The following USP37 variants were observed in gnomAD, a reference collection of about 807,000 sequenced individuals.
The protein encoded by USP37 is ubiquitin specific peptidase 37, also known as ubiquitin carboxyl-terminal hydrolase 37.
In USP37, 27 loss-of-function variants were observed where a neutral mutation model predicts 124.0. The ratio of observed to expected loss-of-function variants is 0.22; its 90% CI spans 0.16 to 0.30. USP37 has a LOEUF of 0.30. Among genes scored for constraint, USP37 ranks in the 10% least tolerant of loss-of-function variants. USP37 has a pLI of 1.00. For synonymous variants in USP37, 365 were observed against 388.0 expected (o/e 0.94, Z 0.70); for missense variants, 889 against 1,140.4 (o/e 0.78, Z 3.17).
chr2:218,492,361 G>C (rs1185132712), intron 14 of USP37, among the ~76,000 whole-genome samples: 1 of 152,182 alleles, frequency 6.6e-6, no homozygotes, highest in Non-Finnish European at 1.5e-5. Flanking sequence ...GAATGAGCAA[G>C]GGAAAAGTGT....
intron 10 of USP37, among the ~76,000 whole-genome samples, chr2:218,515,970 A>T (rs1471231041): frequency 1.3e-5 from 2 of 152,338 alleles, no homozygotes; most frequent in East Asian, 3.9e-4. Context: ...GAGAATGCAA[A>T]TCAAAACCAC....
intron 10 of USP37, among the ~76,000 whole-genome samples, chr2:218,525,593 G>C (rs1421319223): frequency 6.6e-6 from 1 of 152,172 alleles, no homozygotes. Flanking sequence ...CTAACTATCT[G>C]CTTCCTATTC....
chr2:218,524,272 C>A (rs915493053), intron 10 of USP37, among the ~76,000 whole-genome samples: 2 of 152,052 alleles, frequency 1.3e-5, no homozygotes, highest in African/African-American at 4.8e-5. Flanking sequence ...TGTAGCCTTT[C>A]CTGTTTTGTA....
intron 8 of USP37, among the ~76,000 whole-genome samples, chr2:218,544,430 T>TAGAGAGAGAGAGAGAGAG (rs56690495): frequency 3.9e-4 from 20 of 50,794 alleles, no homozygotes; most frequent in East Asian, 3.4e-3. Flanking sequence ...TATATATATA[T>TAGAGAGAGAGAGAGAGAG]AGAGAGAGAG....
In USP37 at chr2:218,455,678, C is replaced by T. The variant is rs368343872; in HGVS notation, c.2754G>A (p.Ala918=). Residue 918 remains alanine (A), a synonymous_variant, in exon 25 of 26, where the codon GCG becomes GCA. Coordinates refer to ENST00000258399, the MANE Select transcript of USP37 (RefSeq NM_020935.3). ...CCTCCAGGTCATTGTAAGTAAACCA[C>T]GCTTGCTTCTTAATGTCATATACAT... ...ISDVYDIKKQ[A]WFTYNDLEVS... 3.0e-5 allele frequency: 49 copies of T among 1,614,066 alleles called. No homozygotes were observed. Among genetic ancestry groups the T allele is most frequent in the African/African-American group, 1.3e-4 (10 of 74,938 alleles).
At chr2:218,521,691 A>T (rs1226787976) in intron 10 of USP37, among the ~76,000 whole-genome samples, 1 of 152,040 alleles carries the variant, frequency 6.6e-6, no homozygotes, top group Non-Finnish European at 1.5e-5. Flanking sequence ...TATGCCTGCA[A>T]TATTTGTTCA....
chr2:218,561,143 A>T (rs1044408625), intron 2 of USP37, among the ~76,000 whole-genome samples: 1 of 152,222 alleles, frequency 6.6e-6, no homozygotes, highest in African/African-American at 2.4e-5. Context: ...TTGAGCCAGC[A>T]ATGTATATCT....
intron 14 of USP37, among the ~76,000 whole-genome samples, 193 bp from the exon 15 acceptor site, chr2:218,488,614 T>C (rs776284464): frequency 2.6e-5 from 4 of 152,178 alleles, no homozygotes; most frequent in Non-Finnish European, 5.9e-5. Flanking sequence ...AAACCTCAAT[T>C]GCAAGTATTT....
chr2:218,530,346 T>C (rs1691255083), intron 9 of USP37, among the ~76,000 whole-genome samples: 1 of 152,206 alleles, frequency 6.6e-6, no homozygotes, highest in Non-Finnish European at 1.5e-5. Flanking sequence ...TTGGTAATTC[T>C]TGCAATGTTT....
At position 218,558,487 on chromosome 2, in the gene USP37, T is replaced by C. The variant is rs770441044; in HGVS notation, c.156+11A>G. The stretch of plus-strand genomic sequence containing the variant: ...CTTCAAGAGCTATTCCAAATCAATA[T>C]TTGGTATTACCTGAAATATCCTTGG... On this transcript the variant is annotated intron_variant, in intron 4 of 25. Transcript: ENST00000258399. The C allele has an allele frequency of 1.6e-5, 26 of 1,606,516 alleles. No individual in the cohort carries two copies. The highest frequency in any genetic ancestry group is 2.2e-5 in the Non-Finnish European group (26 of 1,176,094).
intron 22 of USP37, among the ~76,000 whole-genome samples, chr2:218,460,820 A>G (rs1689979200): frequency 6.6e-6 from 1 of 152,096 alleles, no homozygotes; most frequent in Admixed American, 6.6e-5. Context: ...GCACACCAGT[A>G]GTCCCAGCTA....
chr2:218,510,269 G>T, intron 10 of USP37, 129 bp from the exon 11 acceptor site: 1 of 965,016 alleles, frequency 1.0e-6, no homozygotes, highest in Non-Finnish European at 1.5e-6. Flanking sequence ...CAGTAATAAT[G>T]ATCACTTAAG....
chr2:218,567,369 C>CT (rs1177120427), intron 1 of USP37, among the ~76,000 whole-genome samples: 63 of 152,302 alleles, frequency 4.1e-4, no homozygotes, highest in African/African-American at 1.5e-3. Flanking sequence ...CAGCACTATA[C>CT]TCTTTTTCGG....
chr2:218,481,980 T>A (rs1559174790), intron 17 of USP37, 90 bp downstream of exon 17: 2 of 1,414,438 alleles, frequency 1.4e-6, no homozygotes, highest in South Asian at 1.5e-5. Flanking sequence ...CTTGGAGTCA[T>A]ATTATGTAAT....
chr2:218,525,701 GTTTTA>G (rs1690918504), intron 10 of USP37, among the ~76,000 whole-genome samples: 1 of 151,952 alleles, frequency 6.6e-6, no homozygotes, highest in African/African-American at 2.4e-5. Context: ...TTTTTTCTAA[GTTTTA>G]TTTTAAGTTC....
chr2:218,456,196 C>T (rs1015364609), intron 24 of USP37, among the ~76,000 whole-genome samples: 2 of 152,184 alleles, frequency 1.3e-5, no homozygotes, highest in Admixed American at 6.5e-5. Context: ...CTCCTATAAT[C>T]CCAGCACTTT....
At chr2:218,505,885 C>CAA (rs1419384165) in intron 11 of USP37, among the ~76,000 whole-genome samples, 1 of 150,750 alleles carries the variant, frequency 6.6e-6, no homozygotes, top group African/African-American at 2.4e-5. Flanking sequence ...TTTTTTGAGA[C>CAA]AAAGTCTTGC....
intron 18 of USP37, among the ~76,000 whole-genome samples, chr2:218,477,536 ATGG>A (rs1456410262): frequency 6.6e-6 from 1 of 152,208 alleles, no homozygotes; most frequent in Non-Finnish European, 1.5e-5. Flanking sequence ...TTCCCAGGAA[ATGG>A]TGAATAAAAT....
chr2:218,464,945 G>T (rs558324469), intron 21 of USP37, among the ~76,000 whole-genome samples: 3 of 151,970 alleles, frequency 2.0e-5, no homozygotes, highest in South Asian at 2.1e-4. Flanking sequence ...GCCGGGCATG[G>T]TGGATGCTCC....
Sources: gnomAD v4.1 joint callset for allele counts (sites outside exome capture counted in the v4.1 genomes callset) on GRCh38, gnomAD v4.1.1 for gene constraint, MANE v1.5 for transcripts, NCBI Gene and HGNC (gene_info 2026-07-23, HGNC 2026-07-21) for gene names.